Variants in RAPH1 observed in about 807,000 individuals in gnomAD.
The protein encoded by RAPH1 is Ras association (RalGDS/AF-6) and pleckstrin homology domains 1.
In RAPH1, 18 loss-of-function variants were observed where a neutral mutation model predicts 88.1. The observed-to-expected ratio is 0.20, with a 90% CI of 0.14 to 0.30. The LOEUF (loss-of-function observed/expected upper bound fraction) is 0.30. RAPH1 is among the 10% of genes least tolerant of loss of function. The pLI, the probability that RAPH1 is intolerant of heterozygous loss-of-function variation, is 1.00. For missense variants in RAPH1, 1,448 were observed against 1,543.2 expected (o/e 0.94, Z 1.03); for synonymous variants, 587 against 559.0 (o/e 1.05, Z -0.71).
At position 203,438,107 on chromosome 2, in the gene RAPH1, G is replaced by A. The variant is rs765479300; in HGVS notation, c.*1330C>T. 2 of 517,812 alleles carry A rather than the reference G, an allele frequency of 3.9e-6. No homozygotes were observed. Among genetic ancestry groups the A allele is most frequent in the Non-Finnish European group, 7.7e-6 (2 of 259,502 alleles). The allele number at this position is 517,812 out of a possible 1,614,324, so 32.1% of individuals were successfully genotyped here. A position where few individuals can be genotyped will look rare whatever the true frequency, so the allele number is the denominator to read the frequency against. On this transcript the variant is annotated 3_prime_UTR_variant, in exon 14 of 14. Coordinates refer to ENST00000319170, the MANE Select transcript of RAPH1 (RefSeq NM_213589.3). ...GCATAAAACGTAATGTCAGTTACTG[G>A]ACTTGGACTGTCCCACTCCATCAGA... is the stretch of plus-strand genomic sequence containing the variant.
chr2:203,494,745 C>A (rs1184027721), intron 2 of RAPH1, among the ~76,000 whole-genome samples: 1 of 148,342 alleles, frequency 6.7e-6, no homozygotes, highest in African/African-American at 2.5e-5. Context: ...GGAGACGGAG[C>A]TTGCGGTGAG....
intron 13 of RAPH1, 127 bp from the exon 14 acceptor site, chr2:203,441,540 A>C: frequency 7.2e-7 from 1 of 1,391,876 alleles, no homozygotes; most frequent in Non-Finnish European, 9.3e-7. Context: ...AAGGATGCAG[A>C]AGTTGGTGGT....
At chr2:203,446,924 A>G (rs990303883) in intron 12 of RAPH1, 4 of 151,760 alleles carry the variant, frequency 2.6e-5, no homozygotes, top group Non-Finnish European at 5.9e-5. Flanking sequence ...AAAAAAAAAA[A>G]AAAAAGTTGT....
At chr2:203,521,013 A>T (rs1389109653) in intron 1 of RAPH1, among the ~76,000 whole-genome samples, 1 of 152,206 alleles carries the variant, frequency 6.6e-6, no homozygotes, top group Non-Finnish European at 1.5e-5. Context: ...ATCAGCATAA[A>T]TCACGTCAAT....
chr2:203,490,970 G>C (rs1378212992), intron 3 of RAPH1, among the ~76,000 whole-genome samples: 2 of 151,418 alleles, frequency 1.3e-5, no homozygotes, highest in African/African-American at 4.9e-5. Context: ...CTTGAACCTG[G>C]GAGGCAGAGG....
chr2:203,462,705 T>A (rs1432539966), intron 4 of RAPH1, among the ~76,000 whole-genome samples: 1 of 152,146 alleles, frequency 6.6e-6, no homozygotes, highest in Admixed American at 6.5e-5. Flanking sequence ...TAACTAAAAA[T>A]ATACTTAAAC....
Position 203,490,051 on chromosome 2 carries a change from A to G in RAPH1, c.265T>C (p.Leu89=). The change falls in exon 4 of 14, where the codon TTG becomes CTG. Residue 89 remains leucine, a synonymous_variant. Transcript: ENST00000319170. ...TCTATAGAGCAAAGATCAGCCATCA[A>G]GGCATCCAGATCCACAGTCTCTCCC... ...NQGETVDLDA[L]MADLCSIEQE... is the part of the protein sequence containing the mutation. The G allele has an allele frequency of 6.2e-7, 1 of 1,613,620 alleles. No individual in the cohort carries two copies. Among genetic ancestry groups the G allele is most frequent in the Non-Finnish European group, 8.5e-7 (1 of 1,179,566 alleles).
chr2:203,533,347 T>G (rs1173330293), intron 1 of RAPH1: 1 of 152,164 alleles, frequency 6.6e-6, no homozygotes, highest in Non-Finnish European at 1.5e-5. Flanking sequence ...AATCATGAAT[T>G]AAGCTTTTTG....
At chr2:203,471,748 C>T (rs1244379121) in intron 4 of RAPH1, among the ~76,000 whole-genome samples, 1 of 151,808 alleles carries the variant, frequency 6.6e-6, no homozygotes, top group Non-Finnish European at 1.5e-5. Context: ...TTATTGTCTG[C>T]ATTTTTAAAG....
In RAPH1 at chr2:203,440,680, G is replaced by C. The variant is rs186567269; in HGVS notation, c.2510C>G (p.Pro837Arg). ...GCTCTGTTGCTTGGGTAATGTTGGC[G>C]GGGGTACTGGAACAGGAGGGGTAGG... ...SPPTPPVPVP[P>R]PTLPKQQSFC... The change falls in exon 14 of 14, where the codon CCG (proline) becomes CGG (arginine). Residue 837 changes from proline (P) to arginine (R), a missense_variant. Pro to Arg is a moderately radical substitution (Grantham distance 103). Coordinates refer to ENST00000319170, the MANE Select transcript of RAPH1 (RefSeq NM_213589.3). The C allele has an allele frequency of 6.3e-7, 1 of 1,579,822 alleles. No homozygotes were observed. The highest frequency in any genetic ancestry group is 8.6e-7 in the Non-Finnish European group (1 of 1,161,396).
chr2:203,495,161 C>G, intron 2 of RAPH1, 73 bp downstream of exon 2: 1 of 1,543,372 alleles, frequency 6.5e-7, no homozygotes, highest in Non-Finnish European at 8.9e-7. Context: ...ATATCCATAT[C>G]CTCTTCTGCA....
intron 1 of RAPH1, among the ~76,000 whole-genome samples, chr2:203,506,860 A>ATATC (rs1559494865): frequency 5.1e-5 from 4 of 78,928 alleles, no homozygotes; most frequent in Non-Finnish European, 9.4e-5. Context: ...CTATATCTAT[A>ATATC]TATATATATA....
chr2:203,468,126 T>C (rs1275177801), intron 4 of RAPH1, among the ~76,000 whole-genome samples: 1 of 152,222 alleles, frequency 6.6e-6, no homozygotes, highest in Non-Finnish European at 1.5e-5. Flanking sequence ...TTTTGTTCAC[T>C]GCTGTATCTC....
intron 1 of RAPH1, among the ~76,000 whole-genome samples, chr2:203,526,738 C>T (rs1029006554): frequency 5.4e-5 from 8 of 148,330 alleles, no homozygotes; most frequent in Non-Finnish European, 8.9e-5. Flanking sequence ...ATACAATACA[C>T]TATGAAGTGG....
Position 203,438,094 on chromosome 2 carries a change from A to T in RAPH1, c.*1343T>A. ...CCAAACTGCACACGCATAAAACGTA[A>T]TGTCAGTTACTGGACTTGGACTGTC... On this transcript the variant is annotated 3_prime_UTR_variant, in exon 14 of 14. Transcript: ENST00000319170. The T allele has an allele frequency of 1.9e-6, 1 of 516,256 alleles. No homozygotes were observed. The highest frequency in any genetic ancestry group is 1.4e-5 in the South Asian group (1 of 70,560). The allele number at this position is 516,256 out of a possible 1,614,324, so 32.0% of individuals were successfully genotyped here. A position where few individuals can be genotyped will look rare whatever the true frequency, so the allele number is the denominator to read the frequency against.
intron 6 of RAPH1, 109 bp from the exon 7 acceptor site, chr2:203,460,137 ATT>A (rs1315780173): frequency 3.3e-6 from 3 of 902,234 alleles, no homozygotes; most frequent in Non-Finnish European, 5.0e-6. Flanking sequence ...CTTAACCGAC[ATT>A]TTAGCACCTA....
At chr2:203,490,853 G>A (rs551756601) in intron 3 of RAPH1, among the ~76,000 whole-genome samples, 8 of 152,048 alleles carry the variant, frequency 5.3e-5, no homozygotes, top group African/African-American at 1.9e-4. Flanking sequence ...GACCAGCCTG[G>A]CCAACGTGGT....
chr2:203,456,457 A>G (rs2098519673), intron 8 of RAPH1, among the ~76,000 whole-genome samples: 2 of 152,336 alleles, frequency 1.3e-5, no homozygotes, highest in South Asian at 2.1e-4. Context: ...TTAAAAAATA[A>G]TACTAGGTTG....
At position 203,439,291 on chromosome 2, in the gene RAPH1, C is replaced by T. The variant is rs976133693; in HGVS notation, c.*146G>A. The stretch of plus-strand genomic sequence containing the variant: ...CACTGTACAGCTGTGTGTACATGCA[C>T]GTGTACACACACACATACACATATA... On this transcript the variant is annotated 3_prime_UTR_variant, in exon 14 of 14. Transcript: ENST00000319170. 4.0e-5 allele frequency: 27 copies of T among 670,580 alleles called. No individual in the cohort carries two copies. The highest frequency in any genetic ancestry group is 9.1e-5 in the South Asian group (5 of 54,758). 41.5% of individuals were successfully genotyped at this position (670,580 alleles called of 1,614,324 possible). A position where few individuals can be genotyped will look rare whatever the true frequency, so the allele number is the denominator to read the frequency against.
Sources: gnomAD v4.1 joint callset for allele counts (sites outside exome capture counted in the v4.1 genomes callset) on GRCh38, gnomAD v4.1.1 for gene constraint, MANE v1.5 for transcripts, NCBI Gene and HGNC (gene_info 2026-07-23, HGNC 2026-07-21) for gene names.